The following ZNF503 variants were observed in gnomAD, a reference collection of about 807,000 sequenced individuals.
ZNF503 encodes the protein zinc finger protein 503.
ZNF503 carries 15 observed loss-of-function variants against 34.4 expected under a neutral mutation model. That is an observed-to-expected ratio of 0.44 (90% CI 0.29 to 0.67). ZNF503 has a LOEUF of 0.67. Ranked by LOEUF, ZNF503 falls within the 30% of genes least tolerant of loss-of-function variation. The pLI, the probability that ZNF503 is intolerant of heterozygous loss-of-function variation, is 0.13. For synonymous variants in ZNF503, 580 were observed against 456.8 expected (o/e 1.27, Z -3.44); for missense variants, 1,007 against 926.8 (o/e 1.09, Z -1.12).
At chr10:75,339,288 G>A in the ZNF503 span, among the ~76,000 whole-genome samples, 2 of 152,310 alleles carry the variant, frequency 1.3e-5, no homozygotes, top group African/African-American at 4.8e-5. Context: ...TTCTTGCTCT[G>A]TTTGGAGTAG....
the ZNF503 span, among the ~76,000 whole-genome samples, chr10:75,378,992 C>A: frequency 4.4e-4 from 67 of 152,242 alleles, no homozygotes; most frequent in Non-Finnish European, 8.2e-4. Flanking sequence ...TCCACACCCC[C>A]CAAACCCCAG....
the ZNF503 span, among the ~76,000 whole-genome samples, chr10:75,337,203 A>C: frequency 6.6e-6 from 1 of 152,028 alleles, no homozygotes; most frequent in African/African-American, 2.4e-5. Context: ...GCGTGCCTGT[A>C]GTCCCAGCTA....
chr10:75,318,435 C>G, the ZNF503 span, among the ~76,000 whole-genome samples: 1 of 151,968 alleles, frequency 6.6e-6, no homozygotes, highest in African/African-American at 2.4e-5. Flanking sequence ...CTTTGGGCAG[C>G]TGAAGCAGGG....
chr10:75,394,520 T>C (rs1384115719), downstream of ZNF503, among the ~76,000 whole-genome samples: 1 of 152,286 alleles, frequency 6.6e-6, no homozygotes, highest in African/African-American at 2.4e-5. Context: ...TCTGTGTAAG[T>C]ACTGTGTGCT....
the ZNF503 span, among the ~76,000 whole-genome samples, chr10:75,379,895 G>A: frequency 2.0e-5 from 3 of 152,336 alleles, no homozygotes; most frequent in East Asian, 3.9e-4. Context: ...AATGCAAGGT[G>A]GGCAGGGGGT....
Position 75,398,170 on chromosome 10 carries a change from G to A in ZNF503, c.*579C>T, listed in dbSNP as rs916713562. ...TTTTCATTTTTTTTGTAACAAACAT[G>A]CATGTAAATTTGTGTTTCAATCAGA... On this transcript the variant is annotated 3_prime_UTR_variant, in exon 2 of 2. Coordinates refer to ENST00000372524, the MANE Select transcript of ZNF503 (RefSeq NM_032772.6). 2 of 152,146 alleles carry A rather than the reference G, an allele frequency of 1.3e-5. No homozygotes were observed. The highest frequency in any genetic ancestry group is 2.4e-5 in the African/African-American group (1 of 41,234). The allele number at this position is 152,146 out of a possible 1,614,324, so 9.4% of individuals were successfully genotyped here.
At chr10:75,303,083 T>C in the ZNF503 span, among the ~76,000 whole-genome samples, 2 of 152,230 alleles carry the variant, frequency 1.3e-5, no homozygotes, top group Non-Finnish European at 2.9e-5. Context: ...AGGCCCTTGG[T>C]ATATTTTCAG....
chr10:75,294,385 C>T, the ZNF503 span, among the ~76,000 whole-genome samples: 45 of 152,296 alleles, frequency 3.0e-4, no homozygotes, highest in Non-Finnish European at 6.2e-4. Flanking sequence ...AGAGGGCGGA[C>T]GGGGTTCCCC....
chr10:75,370,505 G>T, the ZNF503 span, among the ~76,000 whole-genome samples: 1 of 152,110 alleles, frequency 6.6e-6, no homozygotes, highest in African/African-American at 2.4e-5. Flanking sequence ...TCCCAGCCGG[G>T]CATGGTGGCT....
Position 75,398,473 on chromosome 10 carries a change from T to G in ZNF503, c.*276A>C, listed in dbSNP as rs1284366549. ...AGTCCTCAGATGAACACTTTCTCAA[T>G]TATTTTTTCCTTTTTTTTTCTATAA... On this transcript the variant is annotated 3_prime_UTR_variant, in exon 2 of 2. Transcript: ENST00000372524. 2.9e-6 allele frequency: 1 copy of G among 343,356 alleles called. No individual in the cohort carries two copies. The highest frequency in any genetic ancestry group is 4.4e-5 in the East Asian group (1 of 22,738). The allele number at this position is 343,356 out of a possible 1,614,324, so 21.3% of individuals were successfully genotyped here.
the ZNF503 span, among the ~76,000 whole-genome samples, chr10:75,374,792 T>C: frequency 9.2e-5 from 14 of 152,240 alleles, no homozygotes; most frequent in Non-Finnish European, 1.6e-4. Flanking sequence ...ATGAGCCTGT[T>C]TGTATGCTTC....
chr10:75,361,116 TG>T, the ZNF503 span: 1 of 152,234 alleles, frequency 6.6e-6, no homozygotes, highest in Non-Finnish European at 1.5e-5. Context: ...CAATATAGGA[TG>T]GGCTTTGCAG....
At chr10:75,328,639 TTATTGATA>T in the ZNF503 span, among the ~76,000 whole-genome samples, 2 of 152,176 alleles carry the variant, frequency 1.3e-5, no homozygotes, top group African/African-American at 2.4e-5. Context: ...ATGGAGAATG[TTATTGATA>T]TTTTGAGAGG....
chr10:75,365,173 G>A, the ZNF503 span, among the ~76,000 whole-genome samples: 1 of 152,186 alleles, frequency 6.6e-6, no homozygotes, highest in African/African-American at 2.4e-5. Context: ...CTTTGAGACG[G>A]AGTCTCGCTC....
chr10:75,350,346 T>C, the ZNF503 span: 1 of 152,198 alleles, frequency 6.6e-6, no homozygotes, highest in Non-Finnish European at 1.5e-5. Context: ...GCAGTGCTGT[T>C]GTTAGTTTCA....
the ZNF503 span, among the ~76,000 whole-genome samples, chr10:75,318,719 TA>T: frequency 6.7e-6 from 1 of 149,510 alleles, no homozygotes; most frequent in Non-Finnish European, 1.5e-5. Context: ...AGAACTATTC[TA>T]AAAAAATAGC....
the ZNF503 span, among the ~76,000 whole-genome samples, chr10:75,381,210 T>TTTTG: frequency 5.5e-4 from 83 of 152,122 alleles, no homozygotes; most frequent in African/African-American, 1.8e-3. Context: ...CGTGTGTAAT[T>TTTTG]TTTGTTTGTT....
chr10:75,396,125 C>T (rs561233329), downstream of ZNF503, among the ~76,000 whole-genome samples: 2 of 152,202 alleles, frequency 1.3e-5, no homozygotes, highest in Admixed American at 1.3e-4. The surrounding 1 kb of genome is among the most constrained non-coding windows in gnomAD (Gnocchi z 4.4). Context: ...CACCGCCACG[C>T]GCTCCCGCCC....
At chr10:75,299,760 G>A in the ZNF503 span, among the ~76,000 whole-genome samples, 517 of 152,300 alleles carry the variant, frequency 3.4e-3, 1 homozygote, top group Middle Eastern at 0.027. Flanking sequence ...GATGCCTGCC[G>A]AGCCGTGAAA....
Sources: gnomAD v4.1 joint callset for allele counts (sites outside exome capture counted in the v4.1 genomes callset) on GRCh38, gnomAD v4.1.1 for gene constraint, Gnocchi (gnomAD v3.1) non-coding constraint, MANE v1.5 for transcripts, NCBI Gene and HGNC (gene_info 2026-07-23, HGNC 2026-07-21) for gene names.